S100A8: variants seen among roughly 807,000 people sequenced by gnomAD.
S100A8 encodes protein S100-A8.
Under a neutral mutation model 4.2 loss-of-function variants are expected in S100A8, and 1 was observed. That is an observed-to-expected ratio of 0.24 (90% CI 0.08 to 1.12). The LOEUF (loss-of-function observed/expected upper bound fraction) is 1.12, where lower values mean the gene tolerates loss of function less well. S100A8 is among the 50% of genes most tolerant of loss of function. The pLI is 0.53. For synonymous variants in S100A8, 41 were observed against 44.7 expected, an observed-to-expected ratio of 0.92 and a Z score of 0.33; for missense variants, 96 against 111.8, an observed-to-expected ratio of 0.86 and a Z score of 0.64.
Position 153,390,227 on chromosome 1 carries a change from A to G in S100A8, c.158T>C (p.Val53Ala). 1 of 1,611,996 alleles carries G rather than the reference A, an allele frequency of 6.2e-7. No homozygotes were observed. The highest frequency in any genetic ancestry group is 8.5e-7 in the Non-Finnish European group (1 of 1,178,702). ...GTTGATATCCAACTCTTTGAACCAG[A>G]CGTCTGCACCCTTTTTCTGTCAAGA... ...PQYIRKKGAD[V>A]WFKELDINTD... Residue 53 changes from valine (V) to alanine (A), a missense_variant, in exon 3 of 3, where the codon GTC becomes GCC. Transcript: ENST00000368733.
At chr1:153,399,551 C>T in the S100A8 span, among the ~76,000 whole-genome samples, 1 of 152,308 alleles carries the variant, frequency 6.6e-6, no homozygotes, top group South Asian at 2.1e-4. Flanking sequence ...TTCATTCCTT[C>T]ATTCATTCAA....
chr1:153,393,220 C>A (rs1272242208), upstream of S100A8, among the ~76,000 whole-genome samples: 1 of 152,188 alleles, frequency 6.6e-6, no homozygotes, highest in Non-Finnish European at 1.5e-5. Context: ...TCATCTGCTC[C>A]AAGTCCATCC....
chr1:153,397,934 C>T, the S100A8 span, among the ~76,000 whole-genome samples: 2 of 152,314 alleles, frequency 1.3e-5, no homozygotes, highest in South Asian at 2.1e-4. Flanking sequence ...GTGCAGGGTC[C>T]GGGCCATCCT....
the S100A8 span, among the ~76,000 whole-genome samples, chr1:153,397,311 C>T: frequency 6.6e-6 from 1 of 152,196 alleles, no homozygotes; most frequent in African/African-American, 2.4e-5. Flanking sequence ...CATTTGCCTG[C>T]ATCAGGAGCA....
intron 1 of S100A8, chr1:153,390,771 T>G: frequency 1.6e-6 from 1 of 625,636 alleles, no homozygotes; most frequent in Non-Finnish European, 2.7e-6. Flanking sequence ...CAGAGACATG[T>G]GCACACACAC....
chr1:153,411,139 G>T, the S100A8 span, among the ~76,000 whole-genome samples: 3 of 152,132 alleles, frequency 2.0e-5, no homozygotes, highest in African/African-American at 7.2e-5. Context: ...GGGCAATCAG[G>T]CAGGAGAAAG....
the S100A8 span, among the ~76,000 whole-genome samples, chr1:153,405,083 TCCCCCC>T: frequency 6.8e-6 from 1 of 146,462 alleles, no homozygotes; most frequent in East Asian, 2.0e-4. Context: ...CTTCCTGGAG[TCCCCCC>T]CACCCCGCAC....
the S100A8 span, among the ~76,000 whole-genome samples, chr1:153,416,754 C>G: frequency 5.3e-5 from 8 of 152,352 alleles, 1 homozygote; most frequent in South Asian, 1.4e-3. Context: ...GGTGGCTGAA[C>G]CAGACCTGTC....
the S100A8 span, among the ~76,000 whole-genome samples, chr1:153,402,670 T>A: frequency 1.3e-5 from 2 of 152,238 alleles, no homozygotes; most frequent in Non-Finnish European, 2.9e-5. Flanking sequence ...CAGCTTTACA[T>A]GCTATTGTAA....
At chr1:153,391,740 T>C (rs1461132629), upstream of S100A8, among the ~76,000 whole-genome samples, 2 of 152,168 alleles carry the variant, frequency 1.3e-5, no homozygotes, top group Non-Finnish European at 2.9e-5. Flanking sequence ...GACCATGCCC[T>C]GGGAGATGGA....
the S100A8 span, among the ~76,000 whole-genome samples, chr1:153,407,950 G>A: frequency 8.5e-5 from 13 of 152,132 alleles, no homozygotes; most frequent in Middle Eastern, 3.2e-3. Flanking sequence ...GGACATCCAC[G>A]CCAAAACTCC....
chr1:153,390,643 G>T, intron 1 of S100A8, 86 bp from the exon 2 acceptor site: 10 of 1,521,000 alleles, frequency 6.6e-6, no homozygotes, highest in South Asian at 1.2e-5. Flanking sequence ...TGCCCCAAGC[G>T]ATGGCCTTGT....
In S100A8 at chr1:153,390,108, C is replaced by A. The variant is rs758555781; in HGVS notation, c.277G>T (p.Glu93Ter). ...CTCTGGGCCCAGTAACTCAGCTACT[C>A]TTTGTGGCTTTCTTCATGGCTTTTT... Reference protein sequence around the residue: ...HKKSHEESHKE With the variant: ...HKKSHEESHK Residue 93 changes from glutamate to a stop codon, truncating the protein, a stop_gained, in exon 3 of 3, where the codon GAG (glutamate) becomes TAG (stop). Transcript: ENST00000368733. LOFTEE classifies it high-confidence loss of function. 6 of 1,613,280 alleles carry A rather than the reference C, an allele frequency of 3.7e-6. No individual in the cohort carries two copies. Among genetic ancestry groups the A allele is most frequent in the Admixed American group, 1.7e-5 (1 of 59,836 alleles).
chr1:153,397,385 G>A, the S100A8 span, among the ~76,000 whole-genome samples: 4 of 152,206 alleles, frequency 2.6e-5, no homozygotes, highest in African/African-American at 7.2e-5. Flanking sequence ...CACATAGAGC[G>A]CAGAACAAGG....
At chr1:153,394,319 G>C (rs546130292), upstream of S100A8, among the ~76,000 whole-genome samples, 1 of 152,174 alleles carries the variant, frequency 6.6e-6, no homozygotes, top group Non-Finnish European at 1.5e-5. Flanking sequence ...CTCAATGCCT[G>C]TGGAGCCCAG....
chr1:153,390,247 T>C lies in S100A8; in HGVS notation c.142-4A>G. 6.2e-7 allele frequency: 1 copy of C among 1,608,076 alleles called. No homozygotes were observed. The highest frequency in any genetic ancestry group is 1.1e-5 in the South Asian group (1 of 90,648). ...ACCAGACGTCTGCACCCTTTTTCTG[T>C]CAAGATTGAGGAGGAAGAAGCCAGA... On this transcript the variant is annotated splice_region_variant and splice_polypyrimidine_tract_variant and intron_variant, in intron 2 of 2. Coordinates refer to ENST00000368733, the MANE Select transcript of S100A8 (RefSeq NM_002964.5).
chr1:153,421,226 C>T, the S100A8 span: 1 of 152,220 alleles, frequency 6.6e-6, no homozygotes, highest in East Asian at 1.9e-4. Context: ...CAAGGCTGAG[C>T]TTTAATGTCA....
At chr1:153,405,797 C>T in the S100A8 span, among the ~76,000 whole-genome samples, 23 of 152,054 alleles carry the variant, frequency 1.5e-4, no homozygotes, top group Non-Finnish European at 2.9e-4. Context: ...TTAACCCTTG[C>T]CTTCCCTTCA....
upstream of S100A8, among the ~76,000 whole-genome samples, chr1:153,394,781 G>T (rs1490583444): frequency 6.6e-6 from 1 of 152,120 alleles, no homozygotes; most frequent in Non-Finnish European, 1.5e-5. Context: ...CAGCTCCAGG[G>T]ACAATCCACC....
Sources: allele counts gnomAD v4.1 joint callset (sites outside exome capture counted in the v4.1 genomes callset), GRCh38; gene constraint gnomAD v4.1.1; transcripts MANE v1.5; gene names NCBI Gene and HGNC (gene_info 2026-07-23, HGNC 2026-07-21).